Variants in PRRC2B observed in about 807,000 individuals in gnomAD.
PRRC2B encodes the protein proline rich coiled-coil 2B, also known as protein PRRC2B.
Under a neutral mutation model 242.3 loss-of-function variants are expected in PRRC2B, and 68 were observed. That is an observed-to-expected ratio of 0.28 (90% confidence interval 0.23 to 0.34). The LOEUF (loss-of-function observed/expected upper bound fraction) is 0.34, where lower values mean the gene tolerates loss of function less well. Ranked by LOEUF, PRRC2B falls within the 10% of genes least tolerant of loss-of-function variation. The probability of loss-of-function intolerance (pLI) is 1.00; values close to 1 mark genes in which losing one functional copy is unlikely to be tolerated. For synonymous variants in PRRC2B, 1,228 were observed against 1,173.6 expected, an observed-to-expected ratio of 1.05 and a Z score of -0.95; for missense variants, 2,835 against 2,954.8, an observed-to-expected ratio of 0.96 and a Z score of 0.94.
At chr9:131,444,751 A>G (rs745960142) in intron 6 of PRRC2B, among the ~76,000 whole-genome samples, 2 of 152,122 alleles carry the variant, frequency 1.3e-5, no homozygotes, top group Non-Finnish European at 2.9e-5. Context: ...CAGCCCAATT[A>G]GGACCTGTAT....
chr9:131,481,177 G>A (rs1418431878), intron 19 of PRRC2B, among the ~76,000 whole-genome samples: 1 of 151,774 alleles, frequency 6.6e-6, no homozygotes, highest in Non-Finnish European at 1.5e-5. Flanking sequence ...GGGCGTGGTG[G>A]CGGGCACCTA....
At chr9:131,481,830 A>C in intron 20 of PRRC2B, 22 bp downstream of exon 20, 1 of 1,542,820 alleles carries the variant, frequency 6.5e-7, no homozygotes, top group Non-Finnish European at 8.7e-7. Context: ...CGCTGCCCAC[A>C]TGCTGCCCCT....
At chr9:131,416,114 CT>C (rs562809102) in intron 1 of PRRC2B, among the ~76,000 whole-genome samples, 193 of 144,808 alleles carry the variant, frequency 1.3e-3, no homozygotes, top group Middle Eastern at 3.6e-3. Context: ...TCTTTTCTTT[CT>C]TTTTTTTTTT....
chr9:131,469,974 A>G (rs1050208241), intron 13 of PRRC2B, among the ~76,000 whole-genome samples: 1 of 152,116 alleles, frequency 6.6e-6, no homozygotes, highest in African/African-American at 2.4e-5. Flanking sequence ...CTGTGGGAGC[A>G]GAGGACCGGG....
chr9:131,469,910 C>T (rs944320085), intron 13 of PRRC2B, among the ~76,000 whole-genome samples: 1 of 152,166 alleles, frequency 6.6e-6, no homozygotes, highest in Non-Finnish European at 1.5e-5. Context: ...GTGAGGGTTA[C>T]CAGCAGTAAA....
intron 18 of PRRC2B, 76 bp downstream of exon 18, chr9:131,478,695 G>C: frequency 2.8e-6 from 3 of 1,064,978 alleles, no homozygotes; most frequent in Non-Finnish European, 2.8e-6. Flanking sequence ...GAGCCAGAGG[G>C]TAAGGGAGTT....
At chr9:131,430,880 A>G (rs1838145008) in intron 2 of PRRC2B, among the ~76,000 whole-genome samples, 1 of 151,780 alleles carries the variant, frequency 6.6e-6, no homozygotes, top group Non-Finnish European at 1.5e-5. Flanking sequence ...GGTGTGAGCC[A>G]CTGTGCCTGG....
At chr9:131,407,215 G>A (rs941352662) in intron 1 of PRRC2B, among the ~76,000 whole-genome samples, 28 of 152,156 alleles carry the variant, frequency 1.8e-4, no homozygotes, top group Non-Finnish European at 5.9e-5. Context: ...TTTACAATTT[G>A]CTGTTGACAT....
intron 1 of PRRC2B, among the ~76,000 whole-genome samples, chr9:131,379,860 G>A (rs1490260262): frequency 6.6e-6 from 1 of 150,966 alleles, no homozygotes; most frequent in Admixed American, 6.6e-5. Flanking sequence ...TCCTGACCTC[G>A]TGATCCACCC....
chr9:131,431,276 G>T (rs1838160306), intron 2 of PRRC2B, among the ~76,000 whole-genome samples: 1 of 152,170 alleles, frequency 6.6e-6, no homozygotes. Context: ...GACGACAGGC[G>T]CCCACCATCA....
intron 1 of PRRC2B, among the ~76,000 whole-genome samples, chr9:131,404,459 C>T (rs866991270): frequency 2.0e-5 from 3 of 151,990 alleles, no homozygotes; most frequent in Non-Finnish European, 4.4e-5. Context: ...TGACCTCAGG[C>T]GAGCCACCCG....
In PRRC2B at chr9:131,401,355, C is replaced by T. The variant is rs538843013; in HGVS notation, c.-52+7092C>T. ...CCAACTCCCCTCCCCCATCCAGTGG[C>T]GGCGGCCACCATTCTTACCATTCTT... On this transcript the variant is annotated intron_variant, in intron 1 of 31. Coordinates refer to ENST00000683519, the MANE Select transcript of PRRC2B (RefSeq NM_013318.4). Among the ~76,000 whole-genome samples the T allele has an allele frequency of 5.3e-5, 8 of 151,610 alleles. No individual in the cohort carries two copies. In the East Asian group the frequency reaches 5.8e-4, roughly 11 times the overall value.
In PRRC2B at chr9:131,484,924, C is replaced by T. The variant is rs370972203; in HGVS notation, c.5566-24C>T. ...GCCAGCGTGATAGTAATTTTCATCCCTCCCCCTCCCCTTGCTTCTGAAGAT... is the reference window on the plus strand; with the variant it reads ...GCCAGCGTGATAGTAATTTTCATCCTTCCCCCTCCCCTTGCTTCTGAAGAT... On this transcript the variant is annotated intron_variant, in intron 24 of 31. Coordinates refer to ENST00000683519, the MANE Select transcript of PRRC2B (RefSeq NM_013318.4). 2.3e-4 allele frequency: 374 copies of T among 1,596,022 alleles called. 3 individuals are homozygous for T. In the South Asian group the frequency reaches 3.9e-3, roughly 17 times the overall value.
At chr9:131,431,123 CTTTTTGT>C (rs1208501188) in intron 2 of PRRC2B, among the ~76,000 whole-genome samples, 1 of 150,682 alleles carries the variant, frequency 6.6e-6, no homozygotes, top group Non-Finnish European at 1.5e-5. Flanking sequence ...GCTAATTTTG[CTTTTTGT>C]TTTTTGTTTT....
Position 131,487,738 on chromosome 9 carries a change from TGGGGGTGGGGCC to T in PRRC2B, c.5985-113_5985-102del. On this transcript the variant is annotated intron_variant, in intron 27 of 31. Coordinates refer to ENST00000683519, the MANE Select transcript of PRRC2B (RefSeq NM_013318.4). This position sits in a 1 kb window ranked among gnomAD's most constrained non-coding sequence, Gnocchi z 5.3. ...ATCCTGGACCCTCTGAGTCGCGCTCTGGGGGTGGGGCCGGGGATCTGTGGTTTAGCAAGCTCT... is the reference window on the plus strand; with the variant it reads ...ATCCTGGACCCTCTGAGTCGCGCTCTGGGGATCTGTGGTTTAGCAAGCTCT... 7.3e-7 allele frequency: 1 copy of T among 1,373,572 alleles called. No individual in the cohort carries two copies. Among genetic ancestry groups the T allele is most frequent in the Non-Finnish European group, 9.8e-7 (1 of 1,020,840 alleles). The allele number at this position is 1,373,572 out of a possible 1,614,324, so 85.1% of individuals were successfully genotyped here.
In PRRC2B at chr9:131,487,086, AG is replaced by A; in HGVS notation, c.5857-77del. The A allele has an allele frequency of 1.6e-6, 2 of 1,253,210 alleles. No homozygotes were observed. Among genetic ancestry groups the A allele is most frequent in the Admixed American group, 1.8e-5 (1 of 56,828 alleles). 77.6% of individuals were successfully genotyped at this position (1,253,210 alleles called of 1,614,324 possible). A position where few individuals can be genotyped will look rare whatever the true frequency, so the allele number is the denominator to read the frequency against. ...GCAGTGTTCCAGCAGCCATGTGGAG[AG>A]GGGCAGGGGAGGTGGGAGGGGAAGA... is the stretch of plus-strand genomic sequence containing the variant. On this transcript the variant is annotated intron_variant, in intron 26 of 31. Coordinates refer to ENST00000683519, the MANE Select transcript of PRRC2B (RefSeq NM_013318.4). This position sits in a 1 kb window ranked among gnomAD's most constrained non-coding sequence, Gnocchi z 5.3.
At chr9:131,472,471 A>ATTTTTTT (rs749051569) in intron 14 of PRRC2B, among the ~76,000 whole-genome samples, 4 of 91,522 alleles carry the variant, frequency 4.4e-5, no homozygotes, top group African/African-American at 1.8e-4. Flanking sequence ...CGCCCAGCTA[A>ATTTTTTT]TTTTTTTTTT....
At chr9:131,433,223 T>C (rs1838237217) in intron 3 of PRRC2B, among the ~76,000 whole-genome samples, 1 of 152,308 alleles carries the variant, frequency 6.6e-6, no homozygotes, top group African/African-American at 2.4e-5. Context: ...CAGAGAATCA[T>C]GCAGCTTCCC....
chr9:131,496,919 TCA>T lies in PRRC2B; in HGVS notation c.*1050_*1051del, dbSNP rs1038864627. ...CTGCCCTGCAGGGGTGCTGTGTTTT[TCA>T]CACATTTCTTTCCCTGAAGCCTTCT... On this transcript the variant is annotated 3_prime_UTR_variant, in exon 32 of 32. Transcript: ENST00000683519. 3 of 152,374 alleles carry T rather than the reference TCA, an allele frequency of 2.0e-5. No individual in the cohort carries two copies. Among genetic ancestry groups the T allele is most frequent in the African/African-American group, 7.2e-5 (3 of 41,464 alleles). 9.4% of individuals were successfully genotyped at this position (152,374 alleles called of 1,614,324 possible). A position where few individuals can be genotyped will look rare whatever the true frequency, so the allele number is the denominator to read the frequency against.
Sources: gnomAD v4.1 joint callset for allele counts (sites outside exome capture counted in the v4.1 genomes callset) on GRCh38, gnomAD v4.1.1 for gene constraint, Gnocchi (gnomAD v3.1) non-coding constraint, MANE v1.5 for transcripts, NCBI Gene and HGNC (gene_info 2026-07-23, HGNC 2026-07-21) for gene names.